The following LUC7L2 variants were observed in gnomAD, a reference collection of about 807,000 sequenced individuals.
The protein encoded by LUC7L2 is LUC7 like 2, pre-mRNA splicing factor, also known as putative RNA-binding protein Luc7-like 2.
LUC7L2 carries 25 observed loss-of-function variants against 52.8 expected under a neutral mutation model. That is an observed-to-expected ratio of 0.47 (90% CI 0.34 to 0.66). The LOEUF (loss-of-function observed/expected upper bound fraction) is 0.66. Ranked by LOEUF, LUC7L2 falls within the 30% of genes least tolerant of loss-of-function variation. The probability of loss-of-function intolerance (pLI) is 0.01; values close to 1 mark genes in which losing one functional copy is unlikely to be tolerated. For missense variants in LUC7L2, 328 were observed against 497.8 expected, an observed-to-expected ratio of 0.66 and a Z score of 3.25; for synonymous variants, 144 against 160.9, an observed-to-expected ratio of 0.89 and a Z score of 0.80.
At chr7:139,407,653 A>T (rs1179685966) in intron 6 of LUC7L2, among the ~76,000 whole-genome samples, 2 of 152,048 alleles carry the variant, frequency 1.3e-5, no homozygotes, top group Non-Finnish European at 2.9e-5. Flanking sequence ...GTTCTTTTCA[A>T]TAAGGTCAAT....
At chr7:139,352,973 A>G (rs1014640008) in intron 1 of LUC7L2, among the ~76,000 whole-genome samples, 2 of 152,130 alleles carry the variant, frequency 1.3e-5, no homozygotes, top group African/African-American at 4.8e-5. Context: ...TGAGGCAGGC[A>G]GATCACCTGA....
intron 2 of LUC7L2, among the ~76,000 whole-genome samples, chr7:139,388,516 G>T (rs775871065): frequency 1.3e-5 from 2 of 151,764 alleles, no homozygotes; most frequent in Non-Finnish European, 2.9e-5. Flanking sequence ...GTCAGACTCC[G>T]TGTTCTTGTG....
chr7:139,418,479 T>G (rs2116337989), intron 9 of LUC7L2, among the ~76,000 whole-genome samples: 1 of 152,358 alleles, frequency 6.6e-6, no homozygotes, highest in South Asian at 2.1e-4. Context: ...TCTTGACAAC[T>G]ATTCAGAAGT....
At chr7:139,385,415 GGGTTCAAGTGATCCTCCT>G (rs1475649732) in intron 2 of LUC7L2, among the ~76,000 whole-genome samples, 1 of 151,014 alleles carries the variant, frequency 6.6e-6, no homozygotes, top group Admixed American at 6.6e-5. Context: ...TTGAACTCCA[GGGTTCAAGTGATCCTCCT>G]GCCTCAGCCT....
At chr7:139,374,899 G>C in intron 1 of LUC7L2, 1 of 993,130 alleles carries the variant, frequency 1.0e-6, no homozygotes, top group East Asian at 1.1e-4. Context: ...CAGAAACTAA[G>C]TGATTGAATC....
At chr7:139,374,282 T>A (rs1337235605) in intron 1 of LUC7L2, 9 of 743,088 alleles carry the variant, frequency 1.2e-5, no homozygotes, top group Non-Finnish European at 1.8e-5. Flanking sequence ...TGTTCACTTT[T>A]GTTTTTATAT....
intron 1 of LUC7L2, among the ~76,000 whole-genome samples, chr7:139,373,274 G>GT (rs1800546200): frequency 6.6e-6 from 1 of 152,142 alleles, no homozygotes; most frequent in African/African-American, 2.4e-5. Context: ...CAGCCAGATT[G>GT]TTTTAAAATG....
Position 139,422,690 on chromosome 7 carries a change from C to T in LUC7L2, c.*350C>T. The T allele has an allele frequency of 2.4e-6, 1 of 409,138 alleles. No homozygotes were observed. The highest frequency in any genetic ancestry group is 4.3e-6 in the Non-Finnish European group (1 of 234,232). The allele number at this position is 409,138 out of a possible 1,614,324, so 25.3% of individuals were successfully genotyped here. ...GCTGTCTTCCTAGTCCAAACAGCTG[C>T]AGCTTTGGGCATTTTTCTTTTTAAT... On this transcript the variant is annotated 3_prime_UTR_variant, in exon 10 of 10. Coordinates refer to ENST00000354926, the MANE Select transcript of LUC7L2 (RefSeq NM_016019.5).
chr7:139,387,915 G>A (rs976770327), intron 2 of LUC7L2, among the ~76,000 whole-genome samples: 2 of 152,028 alleles, frequency 1.3e-5, no homozygotes, highest in East Asian at 3.8e-4. Flanking sequence ...ACCATGTCTG[G>A]CCTGGTTCTC....
intron 1 of LUC7L2, among the ~76,000 whole-genome samples, chr7:139,372,642 C>T (rs2131206207): frequency 6.6e-6 from 1 of 152,126 alleles, no homozygotes; most frequent in Admixed American, 6.5e-5. Context: ...ACTTATTACT[C>T]CATTAATATA....
At chr7:139,404,838 C>G (rs1795051876) in intron 4 of LUC7L2, among the ~76,000 whole-genome samples, 1 of 152,168 alleles carries the variant, frequency 6.6e-6, no homozygotes. Flanking sequence ...ATAGGTACTT[C>G]TTAGATGAGG....
upstream of LUC7L2, among the ~76,000 whole-genome samples, chr7:139,356,101 GT>G (rs1353769339): frequency 6.6e-6 from 1 of 152,088 alleles, no homozygotes; most frequent in Admixed American, 6.6e-5. Context: ...GAGCCCAGGA[GT>G]TTGAGACCAG....
At chr7:139,374,992 G>GT in intron 1 of LUC7L2, 1 of 985,550 alleles carries the variant, frequency 1.0e-6, no homozygotes, top group African/African-American at 1.7e-5. Flanking sequence ...GGCACCAATA[G>GT]TTCTTGCTTC....
intron 1 of LUC7L2, among the ~76,000 whole-genome samples, chr7:139,367,566 G>C (rs1175347236): frequency 1.3e-5 from 2 of 152,122 alleles, no homozygotes. Flanking sequence ...AAAATGTCTT[G>C]TTGGCAAAAT....
intron 2 of LUC7L2, among the ~76,000 whole-genome samples, chr7:139,388,608 T>G (rs1794305900): frequency 6.6e-6 from 1 of 150,904 alleles, no homozygotes; most frequent in Non-Finnish European, 1.5e-5. Context: ...CCTGGAAAAC[T>G]TGGATAAAGA....
At chr7:139,356,228 T>C (rs955259408), upstream of LUC7L2, among the ~76,000 whole-genome samples, 12 of 148,816 alleles carry the variant, frequency 8.1e-5, no homozygotes, top group Non-Finnish European at 3.0e-5. Context: ...GAGGATCACT[T>C]GAGCCCGGGA....
intron 3 of LUC7L2, 60 bp downstream of exon 3, chr7:139,398,757 G>C: frequency 6.6e-7 from 1 of 1,505,952 alleles, no homozygotes; most frequent in Non-Finnish European, 9.0e-7. Context: ...TTGTGAATGT[G>C]GATTAAGATC....
At chr7:139,346,062 A>T in intron 1 of LUC7L2, 1 of 157,886 alleles carries the variant, frequency 6.3e-6, no homozygotes, top group Admixed American at 6.4e-5. Context: ...ACATGGAAAA[A>T]CCCCGTCTCT....
intron 1 of LUC7L2, among the ~76,000 whole-genome samples, chr7:139,365,635 G>A (rs1800116681): frequency 6.6e-6 from 1 of 152,124 alleles, no homozygotes; most frequent in South Asian, 2.1e-4. Flanking sequence ...AAAACTAAAG[G>A]TCAATAAGTG....
Sources: gnomAD v4.1 joint callset for allele counts (sites outside exome capture counted in the v4.1 genomes callset) on GRCh38, gnomAD v4.1.1 for gene constraint, MANE v1.5 for transcripts, NCBI Gene and HGNC (gene_info 2026-07-23, HGNC 2026-07-21) for gene names.